Variants in NRG3 observed in about 807,000 individuals in gnomAD.
The protein encoded by NRG3 is neuregulin 3.
In NRG3, 31 loss-of-function variants were observed where a neutral mutation model predicts 66.9. That is an observed-to-expected ratio of 0.46 (90% CI 0.35 to 0.63). The LOEUF (loss-of-function observed/expected upper bound fraction) is 0.63. Among genes scored for constraint, NRG3 ranks in the 20% least tolerant of loss-of-function variants. NRG3 has a pLI of 0.00. For missense variants in NRG3, 910 were observed against 878.9 expected (o/e 1.04, Z -0.45); for synonymous variants, 393 against 359.4 (o/e 1.09, Z -1.06).
chr10:82,499,399 C>G (rs2132325864), intron 2 of NRG3, among the ~76,000 whole-genome samples: 1 of 152,194 alleles, frequency 6.6e-6, no homozygotes, highest in Admixed American at 6.5e-5. Context: ...TCTTTCTTTC[C>G]TAGAAGATAA....
chr10:82,403,147 C>A (rs1010133371), intron 2 of NRG3, among the ~76,000 whole-genome samples: 1 of 152,090 alleles, frequency 6.6e-6, no homozygotes, highest in African/African-American at 2.4e-5. Flanking sequence ...GTAATTATTT[C>A]CAGAGGAGCT....
chr10:81,943,115 T>A (rs547961462), intron 1 of NRG3, among the ~76,000 whole-genome samples: 1 of 152,292 alleles, frequency 6.6e-6, no homozygotes, highest in African/African-American at 2.4e-5. Flanking sequence ...TTGCTGGGCA[T>A]GGTGGCTCAT....
rs58870828 is a variant in NRG3 at position 82,660,196 on chromosome 10, CAAAAAAAAAAAAAAAAAAAAAA to C, written c.954-78363_954-78342del. Among the ~76,000 whole-genome samples, 34 of 19,562 alleles carry C rather than the reference CAAAAAAAAAAAAAAAAAAAAAA, an allele frequency of 1.7e-3. 1 individual carries two copies. The South Asian group carries it at 0.032, about 19-fold the overall frequency. 12.8% of individuals were successfully genotyped at this position (19,562 alleles called of 152,430 possible). A position where few individuals can be genotyped will look rare whatever the true frequency, so the allele number is the denominator to read the frequency against. On this transcript the variant is annotated intron_variant, in intron 2 of 8. Transcript: ENST00000372141. ...GGGCGACAAGAGCAAAACTCCCTCTCAAAAAAAAAAAAAAAAAAAAAAAAAAAAAAAAAAAAAAACTGGAAAG... is the reference window on the plus strand; with the variant it reads ...GGGCGACAAGAGCAAAACTCCCTCTCAAAAAAAAAAAAAAAAACTGGAAAG...
chr10:82,886,665 A>C (rs1339898926), intron 4 of NRG3, among the ~76,000 whole-genome samples: 5 of 152,188 alleles, frequency 3.3e-5, no homozygotes, highest in Non-Finnish European at 5.9e-5. Context: ...GAGACCTTTC[A>C]GTCTGTAATC....
chr10:82,426,615 T>C (rs752194255), intron 2 of NRG3, among the ~76,000 whole-genome samples: 4,032 of 137,640 alleles, frequency 0.029, 89 homozygotes, highest in South Asian at 0.047. Context: ...TTATTATTAT[T>C]ATTATTATTA....
At chr10:82,740,978 G>A (rs918456623) in intron 3 of NRG3, among the ~76,000 whole-genome samples, 13 of 152,194 alleles carry the variant, frequency 8.5e-5, no homozygotes, top group Non-Finnish European at 1.3e-4. Flanking sequence ...TTGTAAGGAC[G>A]TGGAATTTTA....
At chr10:82,822,566 G>A (rs1296429497) in intron 3 of NRG3, among the ~76,000 whole-genome samples, 2 of 152,182 alleles carry the variant, frequency 1.3e-5, no homozygotes, top group African/African-American at 4.8e-5. Flanking sequence ...TCTAGAGGTG[G>A]CCTGAGGCAG....
intron 1 of NRG3, among the ~76,000 whole-genome samples, chr10:82,304,915 G>T (rs2080626413): frequency 6.8e-6 from 1 of 147,448 alleles, no homozygotes; most frequent in South Asian, 2.2e-4. Flanking sequence ...TTAAAATATT[G>T]ACTATCACAG....
intron 2 of NRG3, among the ~76,000 whole-genome samples, chr10:82,707,217 G>A (rs1040224679): frequency 1.3e-5 from 2 of 151,680 alleles, no homozygotes; most frequent in African/African-American, 4.8e-5. Context: ...ATTCCTTCTC[G>A]AGGTAGCAAT....
chr10:82,416,318 C>T (rs1370197596), intron 2 of NRG3, among the ~76,000 whole-genome samples: 1 of 152,114 alleles, frequency 6.6e-6, no homozygotes, highest in African/African-American at 2.4e-5. Flanking sequence ...ACTTAGCAAC[C>T]ACCTGCATAG....
intron 2 of NRG3, among the ~76,000 whole-genome samples, chr10:82,376,230 T>C (rs565555381): frequency 6.6e-6 from 1 of 152,186 alleles, no homozygotes; most frequent in African/African-American, 2.4e-5. Context: ...AGAGTTGAAC[T>C]GGCCAGATTC....
At chr10:82,150,530 C>CAAAA (rs1188955647) in intron 1 of NRG3, among the ~76,000 whole-genome samples, 50 of 26,660 alleles carry the variant, frequency 1.9e-3, no homozygotes, top group Non-Finnish European at 2.7e-3. Flanking sequence ...AGAGCACACA[C>CAAAA]AAAAAAAAAA....
chr10:82,212,954 A>T (rs2075475952), intron 1 of NRG3, among the ~76,000 whole-genome samples: 1 of 152,138 alleles, frequency 6.6e-6, no homozygotes, highest in African/African-American at 2.4e-5. Context: ...TTAAATTGAG[A>T]TGCAATTAGC....
intron 1 of NRG3, 28 bp from the exon 2 acceptor site, chr10:82,358,711 G>C (rs997798748): frequency 6.2e-7 from 1 of 1,613,780 alleles, no homozygotes; most frequent in East Asian, 2.2e-5. Flanking sequence ...ACTGCTGACA[G>C]CGTTTCCCCC....
intron 1 of NRG3, among the ~76,000 whole-genome samples, chr10:82,248,825 C>A (rs1487509844): frequency 6.6e-6 from 1 of 152,132 alleles, no homozygotes; most frequent in Non-Finnish European, 1.5e-5. Flanking sequence ...GTTTCATATT[C>A]ATATTTGCAT....
intron 2 of NRG3, among the ~76,000 whole-genome samples, chr10:82,732,492 G>A (rs2820101): frequency 0.68 from 103,555 of 152,030 alleles, 35,713 homozygotes; most frequent in East Asian, 0.8. Context: ...GAGCTTTAAG[G>A]TCAATCACAG....
At chr10:82,912,891 T>G (rs1425943870) in intron 4 of NRG3, among the ~76,000 whole-genome samples, 1 of 152,222 alleles carries the variant, frequency 6.6e-6, no homozygotes, top group Non-Finnish European at 1.5e-5. Flanking sequence ...CTATGCCTAC[T>G]TTCAAATAAT....
chr10:82,580,526 A>T lies in NRG3; in HGVS notation c.954-158051A>T, dbSNP rs550284350. 4.8e-4 allele frequency among the ~76,000 whole-genome samples: 73 copies of T among 152,072 alleles called. 2 individuals carry two copies. The South Asian group carries it at 0.011, about 24-fold the overall frequency. On this transcript the variant is annotated intron_variant, in intron 2 of 8. Transcript: ENST00000372141. ...ACACAGAATACTCACATTTCCTTGAAAATCTTCTGTCTTTCATCTATTCAT... is the reference window on the plus strand; with the variant it reads ...ACACAGAATACTCACATTTCCTTGATAATCTTCTGTCTTTCATCTATTCAT...
At position 81,954,023 on chromosome 10, in the gene NRG3, A is replaced by T. The variant is rs118011420; in HGVS notation, c.823+77860A>T. Among the ~76,000 whole-genome samples the T allele has an allele frequency of 1.8e-3, 271 of 152,344 alleles. 11 individuals carry two copies. The East Asian group carries it at 0.041, about 23-fold the overall frequency. On this transcript the variant is annotated intron_variant, in intron 1 of 8. Coordinates refer to ENST00000372141, the MANE Select transcript of NRG3 (RefSeq NM_001010848.4). The stretch of plus-strand genomic sequence containing the variant: ...ATCAAGCTGACAGTTATGAAATTCT[A>T]AATCAATATATTTGCTTTATCTTTT...
Sources: gnomAD v4.1 joint callset for allele counts (sites outside exome capture counted in the v4.1 genomes callset) on GRCh38, gnomAD v4.1.1 for gene constraint, MANE v1.5 for transcripts, NCBI Gene and HGNC (gene_info 2026-07-23, HGNC 2026-07-21) for gene names.